The following CPO variants were observed in gnomAD, a reference collection of about 807,000 sequenced individuals.
CPO encodes metallocarboxypeptidase C.
In CPO, 43 loss-of-function variants were observed where a neutral mutation model predicts 41.2. That is an observed-to-expected ratio of 1.04 (90% CI 0.82 to 1.35). The LOEUF (loss-of-function observed/expected upper bound fraction) is 1.35, where lower values mean the gene tolerates loss of function less well. Among genes scored for constraint, CPO ranks in the 40% most tolerant of loss-of-function variants. The pLI, the probability that CPO is intolerant of heterozygous loss-of-function variation, is 0.00. For synonymous variants in CPO, 178 were observed against 162.7 expected (o/e 1.09, Z -0.72); for missense variants, 408 against 451.7 (o/e 0.90, Z 0.88).
intron 7 of CPO, among the ~76,000 whole-genome samples, chr2:206,963,450 G>A (rs1423609501): frequency 6.6e-6 from 1 of 152,014 alleles, no homozygotes; most frequent in African/African-American, 2.4e-5. Context: ...CCAATCACTG[G>A]AACTTCTTCA....
chr2:206,947,013 T>G (rs1693156911), intron 1 of CPO, among the ~76,000 whole-genome samples: 1 of 152,132 alleles, frequency 6.6e-6, no homozygotes, highest in African/African-American at 2.4e-5. Flanking sequence ...TGAGTATTGT[T>G]AAGATGTCAG....
intron 2 of CPO, among the ~76,000 whole-genome samples, 181 bp downstream of exon 2, chr2:206,949,894 C>T (rs950004423): frequency 3.3e-5 from 5 of 152,104 alleles, no homozygotes; most frequent in African/African-American, 1.2e-4. Flanking sequence ...ACCATTGAAG[C>T]TGTAAAAGCT....
intron 7 of CPO, among the ~76,000 whole-genome samples, chr2:206,967,886 A>T (rs1038211497): frequency 6.6e-6 from 1 of 152,196 alleles, no homozygotes; most frequent in African/African-American, 2.4e-5. Flanking sequence ...TTGGTGAGAG[A>T]AATCTATTAG....
At chr2:206,964,841 G>A (rs1693543909) in intron 7 of CPO, among the ~76,000 whole-genome samples, 1 of 152,132 alleles carries the variant, frequency 6.6e-6, no homozygotes, top group Admixed American at 6.6e-5. Flanking sequence ...GATGGAAAGG[G>A]GTCTTCCGCC....
intron 1 of CPO, among the ~76,000 whole-genome samples, chr2:206,940,695 A>G (rs1362441970): frequency 2.0e-5 from 3 of 151,876 alleles, no homozygotes; most frequent in Non-Finnish European, 4.4e-5. Context: ...GCAAATCATT[A>G]TTTTGCTCAT....
At chr2:206,950,630 T>TATG (rs1693243139) in intron 2 of CPO, among the ~76,000 whole-genome samples, 1 of 152,220 alleles carries the variant, frequency 6.6e-6, no homozygotes, top group African/African-American at 2.4e-5. Context: ...CATGCACATG[T>TATG]ATGTTTATTG....
At chr2:206,949,062 A>G (rs1693201241) in intron 1 of CPO, among the ~76,000 whole-genome samples, 1 of 127,810 alleles carries the variant, frequency 7.8e-6, no homozygotes, top group South Asian at 2.4e-4. Flanking sequence ...TTTTAAAAAG[A>G]TAAACCATTG....
At chr2:206,964,124 A>T (rs376191345) in intron 7 of CPO, among the ~76,000 whole-genome samples, 1 of 152,202 alleles carries the variant, frequency 6.6e-6, no homozygotes, top group Non-Finnish European at 1.5e-5. Flanking sequence ...TGGTTAGGTT[A>T]TACCTTTTGC....
intron 3 of CPO, among the ~76,000 whole-genome samples, chr2:206,957,752 C>A (rs1693398814): frequency 6.6e-6 from 1 of 152,078 alleles, no homozygotes; most frequent in South Asian, 2.1e-4. Flanking sequence ...ACAAGAATAG[C>A]AAATGGGGAG....
At chr2:206,954,122 C>A (rs1411935163) in intron 2 of CPO, among the ~76,000 whole-genome samples, 1 of 152,210 alleles carries the variant, frequency 6.6e-6, no homozygotes, top group Non-Finnish European at 1.5e-5. Flanking sequence ...CTCACATGCC[C>A]TGGAGACATT....
At position 206,962,396 on chromosome 2, in the gene CPO, T is replaced by G; in HGVS notation, c.575-16T>G. ...GAGATCATGCAGCCTTCTTTGTGGT[T>G]TCTTCCATATTCTAGGTATTGGTGC... On this transcript the variant is annotated splice_polypyrimidine_tract_variant and intron_variant, in intron 6 of 8. Coordinates refer to ENST00000272852, the MANE Select transcript of CPO (RefSeq NM_173077.3). The G allele has an allele frequency of 6.2e-7, 1 of 1,611,566 alleles. No homozygotes were observed. The highest frequency in any genetic ancestry group is 8.5e-7 in the Non-Finnish European group (1 of 1,177,750).
intron 4 of CPO, among the ~76,000 whole-genome samples, chr2:206,958,714 T>C (rs1693419051): frequency 6.7e-6 from 1 of 149,550 alleles, no homozygotes; most frequent in South Asian, 2.1e-4. Flanking sequence ...TAATAGTATT[T>C]GGCAAATTTT....
intron 7 of CPO, among the ~76,000 whole-genome samples, chr2:206,963,724 G>A (rs140054436): frequency 1.3e-5 from 2 of 152,176 alleles, no homozygotes; most frequent in Non-Finnish European, 2.9e-5. Context: ...ACTACATTTC[G>A]TTCATCCCAT....
chr2:206,967,506 T>G (rs1693604146), intron 7 of CPO, among the ~76,000 whole-genome samples: 1 of 151,956 alleles, frequency 6.6e-6, no homozygotes, highest in South Asian at 2.1e-4. Flanking sequence ...AGGTAAGGCC[T>G]CTTGGAGAAG....
intron 2 of CPO, among the ~76,000 whole-genome samples, chr2:206,953,942 A>G (rs1689530607): frequency 1.3e-5 from 2 of 152,324 alleles, no homozygotes; most frequent in Admixed American, 6.5e-5. Context: ...CTCTGAAGCC[A>G]TGGCCTGAGC....
At chr2:206,957,032 TGATAAA>T (rs1191174881) in intron 3 of CPO, among the ~76,000 whole-genome samples, 1 of 152,094 alleles carries the variant, frequency 6.6e-6, no homozygotes, top group African/African-American at 2.4e-5. Context: ...AATAAAGAGT[TGATAAA>T]GATAAACATG....
At chr2:206,950,945 G>C (rs1693250231) in intron 2 of CPO, among the ~76,000 whole-genome samples, 1 of 152,038 alleles carries the variant, frequency 6.6e-6, no homozygotes, top group South Asian at 2.1e-4. Context: ...TGGGGGCCTG[G>C]GGGAGGGATA....
intron 4 of CPO, among the ~76,000 whole-genome samples, chr2:206,958,728 G>GT (rs752377148): frequency 0.13 from 7,139 of 53,340 alleles, 1,336 homozygotes; most frequent in Non-Finnish European, 0.19. Flanking sequence ...AAATTTTCTA[G>GT]TTTTTTTTTT....
intron 2 of CPO, among the ~76,000 whole-genome samples, chr2:206,950,635 T>C (rs912578867): frequency 1.3e-5 from 2 of 152,250 alleles, no homozygotes; most frequent in African/African-American, 4.8e-5. Flanking sequence ...ACATGTATGT[T>C]TATTGTGGCA....
Sources: gnomAD v4.1 joint callset for allele counts (sites outside exome capture counted in the v4.1 genomes callset) on GRCh38, gnomAD v4.1.1 for gene constraint, MANE v1.5 for transcripts, NCBI Gene and HGNC (gene_info 2026-07-23, HGNC 2026-07-21) for gene names.